The following AFDN variants were observed in gnomAD, a reference collection of about 807,000 sequenced individuals.
AFDN encodes the protein afadin.
In AFDN, 68 loss-of-function variants were observed where a neutral mutation model predicts 216.6. The observed-to-expected ratio is 0.31, with a 90% CI of 0.26 to 0.38. The LOEUF (loss-of-function observed/expected upper bound fraction) is 0.38, where lower values mean the gene tolerates loss of function less well. AFDN is among the 10% of genes least tolerant of loss of function. The pLI is 1.00. For missense variants in AFDN, 2,136 were observed against 2,342.0 expected, an observed-to-expected ratio of 0.91 and a Z score of 1.82; for synonymous variants, 868 against 853.7, an observed-to-expected ratio of 1.02 and a Z score of -0.29.
intron 30 of AFDN, among the ~76,000 whole-genome samples, chr6:167,959,754 G>T (rs1268004022): frequency 1.3e-5 from 2 of 152,200 alleles, no homozygotes; most frequent in Non-Finnish European, 2.9e-5. Context: ...TTTGGGGAAT[G>T]TGGACTACCC....
At chr6:167,837,051 T>A (rs1303936971) in intron 1 of AFDN, among the ~76,000 whole-genome samples, 1 of 152,248 alleles carries the variant, frequency 6.6e-6, no homozygotes, top group Non-Finnish European at 1.5e-5. Flanking sequence ...ACAAACTTGC[T>A]GATTTTAATT....
rs138979312 is a variant in AFDN, at chr6:167,871,598, T to A, written c.415-616T>A. Among the ~76,000 whole-genome samples, 241 of 152,334 alleles carry A rather than the reference T, an allele frequency of 1.6e-3. 2 individuals carry two copies. Among genetic ancestry groups the A allele is most frequent in the South Asian group, 3.9e-3 (19 of 4,830 alleles). On this transcript the variant is annotated intron_variant, in intron 3 of 33. Coordinates refer to ENST00000683244, the MANE Select transcript of AFDN (RefSeq NM_001386888.1). ...AAGTTATCTGTAAAAATAATGCATC[T>A]CTGTCATCTGCTAGCAGGCCATTGT... is the stretch of plus-strand genomic sequence containing the variant.
intron 13 of AFDN, among the ~76,000 whole-genome samples, chr6:167,909,823 G>A (rs1236094775): frequency 6.6e-6 from 1 of 152,102 alleles, no homozygotes; most frequent in Non-Finnish European, 1.5e-5. Context: ...CATGTTCCCT[G>A]GCTCTTACTG....
intron 1 of AFDN, among the ~76,000 whole-genome samples, chr6:167,831,603 T>C (rs1440128296): frequency 6.6e-6 from 1 of 152,212 alleles, no homozygotes; most frequent in Non-Finnish European, 1.5e-5. Flanking sequence ...GGAAAATAAG[T>C]GTTATAACTG....
At chr6:167,835,201 C>G (rs576022500) in intron 1 of AFDN, among the ~76,000 whole-genome samples, 26 of 152,320 alleles carry the variant, frequency 1.7e-4, no homozygotes, top group African/African-American at 6.3e-4. Context: ...TAGGGAAGCT[C>G]TCAAACTCTC....
intron 1 of AFDN, among the ~76,000 whole-genome samples, chr6:167,862,561 GACAGGGTTCC>G (rs1338930215): frequency 1.3e-5 from 2 of 152,272 alleles, no homozygotes; most frequent in East Asian, 3.9e-4. Flanking sequence ...TTTTTGTAGA[GACAGGGTTCC>G]ACCATCTTGG....
intron 5 of AFDN, among the ~76,000 whole-genome samples, chr6:167,876,522 G>T (rs1395956629): frequency 1.3e-5 from 2 of 152,168 alleles, no homozygotes; most frequent in Admixed American, 1.3e-4. Context: ...GCTAAGAAAT[G>T]GCTACATGTG....
At chr6:167,961,024 GT>G (rs928371358) in intron 30 of AFDN, among the ~76,000 whole-genome samples, 20 of 151,878 alleles carry the variant, frequency 1.3e-4, no homozygotes, top group African/African-American at 4.6e-4. Flanking sequence ...CAGATACAGT[GT>G]TTTCTTCACA....
intron 31 of AFDN, chr6:167,963,231 T>G: frequency 1.9e-6 from 2 of 1,064,520 alleles, no homozygotes; most frequent in Non-Finnish European, 2.3e-6. Flanking sequence ...ATATCTCCCT[T>G]TGTCCTGTGT....
chr6:167,878,458 C>G (rs1785670974), intron 5 of AFDN, among the ~76,000 whole-genome samples: 1 of 152,104 alleles, frequency 6.6e-6, no homozygotes, highest in African/African-American at 2.4e-5. Flanking sequence ...GCTAATGTCC[C>G]TATCTTCATC....
At chr6:167,908,353 CTTTATT>C (rs1789981132) in intron 13 of AFDN, among the ~76,000 whole-genome samples, 1 of 151,972 alleles carries the variant, frequency 6.6e-6, no homozygotes, top group Non-Finnish European at 1.5e-5. Flanking sequence ...CAGGTTTTAA[CTTTATT>C]TTTATTGTGG....
At position 167,880,595 on chromosome 6, in the gene AFDN, T is replaced by TA. The variant is rs1279765843; in HGVS notation, c.897+79dup. ...GATTTTCTTTAAATCAAATTAAACC[T>TA]AGATTTTCAGCCTACCATATCATTT... On this transcript the variant is annotated intron_variant, in intron 6 of 33. Transcript: ENST00000683244. 2.9e-6 allele frequency: 4 copies of TA among 1,389,394 alleles called. No individual in the cohort carries two copies. The African/African-American group carries it at 5.8e-5, about 20-fold the overall frequency. 86.1% of individuals were successfully genotyped at this position (1,389,394 alleles called of 1,614,324 possible). A position where few individuals can be genotyped will look rare whatever the true frequency, so the allele number is the denominator to read the frequency against.
intron 1 of AFDN, among the ~76,000 whole-genome samples, chr6:167,832,234 C>G (rs1197216064): frequency 1.3e-5 from 2 of 152,156 alleles, no homozygotes; most frequent in Admixed American, 6.5e-5. Context: ...CTGGGCATGT[C>G]GGAGTTGGCT....
chr6:167,871,344 G>T (rs1346346992), intron 3 of AFDN, among the ~76,000 whole-genome samples: 1 of 152,098 alleles, frequency 6.6e-6, no homozygotes, highest in Non-Finnish European at 1.5e-5. Context: ...TTTCATTTCT[G>T]CTCCACAATT....
intron 33 of AFDN, 21 bp downstream of exon 33, chr6:167,969,219 C>A: frequency 6.3e-7 from 1 of 1,584,662 alleles, no homozygotes; most frequent in Non-Finnish European, 8.7e-7. Flanking sequence ...TTGCACTAGA[C>A]GAGGAACTTC....
chr6:167,841,645 C>T (rs150541561), intron 1 of AFDN, among the ~76,000 whole-genome samples: 3 of 152,204 alleles, frequency 2.0e-5, no homozygotes, highest in East Asian at 1.9e-4. Flanking sequence ...ATAGTTTTTT[C>T]GGTATCCTCT....
chr6:167,927,503 T>C (rs574038326), intron 23 of AFDN, among the ~76,000 whole-genome samples: 1 of 152,322 alleles, frequency 6.6e-6, no homozygotes, highest in African/African-American at 2.4e-5. Context: ...AGGAACATGA[T>C]GAAACTGACA....
chr6:167,900,505 T>G (rs1247571174), intron 11 of AFDN, among the ~76,000 whole-genome samples: 2 of 152,214 alleles, frequency 1.3e-5, no homozygotes, highest in African/African-American at 4.8e-5. Flanking sequence ...TTTGATAATT[T>G]CAAAGTCATA....
chr6:167,865,678 G>C (rs1329119202), intron 2 of AFDN, among the ~76,000 whole-genome samples: 8 of 152,076 alleles, frequency 5.3e-5, no homozygotes, highest in African/African-American at 1.9e-4. Flanking sequence ...TGGAAATGTT[G>C]AGTAACCTGT....
Sources: allele counts gnomAD v4.1 joint callset (sites outside exome capture counted in the v4.1 genomes callset), GRCh38; gene constraint gnomAD v4.1.1; transcripts MANE v1.5; gene names NCBI Gene and HGNC (gene_info 2026-07-23, HGNC 2026-07-21).